The following MALRD1 variants were observed in gnomAD, a reference collection of about 807,000 sequenced individuals.
MALRD1 encodes MAM and LDL-receptor class A domain-containing protein 1.
A neutral mutation model predicts 242.1 loss-of-function variants in MALRD1; 247 were observed. That is an observed-to-expected ratio of 1.02 (90% CI 0.92 to 1.13). The LOEUF (loss-of-function observed/expected upper bound fraction) is 1.13. Among genes scored for constraint, MALRD1 ranks in the 50% most tolerant of loss-of-function variants. MALRD1 has a pLI of 0.00. For synonymous variants in MALRD1, 995 were observed against 866.6 expected, an observed-to-expected ratio of 1.15 and a Z score of -2.60; for missense variants, 2,989 against 2,533.1, an observed-to-expected ratio of 1.18 and a Z score of -3.86.
intron 33 of MALRD1, among the ~76,000 whole-genome samples, chr10:19,571,635 A>C (rs1056780117): frequency 8.5e-5 from 13 of 152,232 alleles, no homozygotes; most frequent in Non-Finnish European, 1.3e-4. Flanking sequence ...GAATTCTGAT[A>C]GTACAGGACC....
rs376583419 is a variant in MALRD1 at position 19,581,416 on chromosome 10, G to C, written c.5680+13713G>C. On this transcript the variant is annotated intron_variant, in intron 33 of 39. Coordinates refer to ENST00000454679, the MANE Select transcript of MALRD1 (RefSeq NM_001142308.3). The stretch of plus-strand genomic sequence containing the variant: ...CCCAGAGTGTGACGTTCCCCTTCCT[G>C]TGTCCATGTGTTCTCATTGTTCAAT... 4.9e-5 allele frequency among the ~76,000 whole-genome samples: 7 copies of C among 141,848 alleles called. No individual in the cohort carries two copies. The East Asian group carries it at 1.1e-3, about 21-fold the overall frequency. 93.1% of individuals were successfully genotyped at this position (141,848 alleles called of 152,430 possible).
chr10:19,658,826 C>T (rs545965124), intron 36 of MALRD1, among the ~76,000 whole-genome samples: 129 of 152,252 alleles, frequency 8.5e-4, no homozygotes, highest in African/African-American at 2.9e-3. Context: ...AAACCACGCT[C>T]GGTCTCTCTT....
chr10:19,712,620 A>C (rs1344212238), intron 38 of MALRD1, among the ~76,000 whole-genome samples: 1 of 152,242 alleles, frequency 6.6e-6, no homozygotes, highest in African/African-American at 2.4e-5. Context: ...TAACTTCAAC[A>C]TTGAATTAGT....
intron 26 of MALRD1, among the ~76,000 whole-genome samples, chr10:19,373,645 G>T (rs1845483226): frequency 6.6e-6 from 1 of 152,120 alleles, no homozygotes; most frequent in Non-Finnish European, 1.5e-5. Context: ...ACCTTCTAAG[G>T]ATGTGTCTTG....
At chr10:19,455,817 A>G (rs1298167983) in intron 29 of MALRD1, among the ~76,000 whole-genome samples, 1 of 152,180 alleles carries the variant, frequency 6.6e-6, no homozygotes, top group South Asian at 2.1e-4. Flanking sequence ...GCACACATCT[A>G]CGGAGAGCTG....
At chr10:19,688,218 G>T (rs189535433) in intron 36 of MALRD1, among the ~76,000 whole-genome samples, 5 of 152,078 alleles carry the variant, frequency 3.3e-5, no homozygotes, top group Admixed American at 2.0e-4. Context: ...CGATGTGCCC[G>T]CCTTGGCCTC....
chr10:19,566,614 G>A (rs1470864248), intron 32 of MALRD1, among the ~76,000 whole-genome samples: 1 of 150,752 alleles, frequency 6.6e-6, no homozygotes, highest in Non-Finnish European at 1.5e-5. Flanking sequence ...TGAAAAAAAG[G>A]GTTGTATAAC....
rs181728857 is a variant in MALRD1 at position 19,394,574 on chromosome 10, A to G, written c.4845+4965A>G. ...GAGCAATGAGCCTTGGTTGTAGACA[A>G]GGGTCAACTGAATTCATGGTAAGCT... On this transcript the variant is annotated intron_variant, in intron 28 of 39. Coordinates refer to ENST00000454679, the MANE Select transcript of MALRD1 (RefSeq NM_001142308.3). Among the ~76,000 whole-genome samples the G allele has an allele frequency of 1.1e-4, 16 of 152,272 alleles. No homozygotes were observed. In the East Asian group the frequency reaches 2.7e-3, roughly 26 times the overall value.
At chr10:19,490,510 G>A (rs755076221) in intron 29 of MALRD1, among the ~76,000 whole-genome samples, 1 of 67,264 alleles carries the variant, frequency 1.5e-5, no homozygotes, top group African/African-American at 4.4e-5. Flanking sequence ...GTGGGGCGGG[G>A]GGGGGGCAGG....
At chr10:19,516,516 C>T (rs527326844) in intron 31 of MALRD1, among the ~76,000 whole-genome samples, 3 of 152,086 alleles carry the variant, frequency 2.0e-5, no homozygotes, top group South Asian at 2.1e-4. Context: ...TTTTCTTGTC[C>T]GTGGAACAAG....
chr10:19,357,974 T>G (rs1844709068), intron 26 of MALRD1, among the ~76,000 whole-genome samples: 1 of 152,096 alleles, frequency 6.6e-6, no homozygotes, highest in East Asian at 1.9e-4. Flanking sequence ...AAATTATTAT[T>G]AAGTCCCTAG....
chr10:19,521,205 G>T (rs1833866168), intron 31 of MALRD1, among the ~76,000 whole-genome samples: 1 of 152,038 alleles, frequency 6.6e-6, no homozygotes, highest in South Asian at 2.1e-4. Flanking sequence ...TCTCTAAAAA[G>T]AATCTTCTAA....
At position 19,219,118 on chromosome 10, in the gene MALRD1, G is replaced by A. The variant is rs569695520; in HGVS notation, c.2991+9438G>A. On this transcript the variant is annotated intron_variant, in intron 18 of 39. Coordinates refer to ENST00000454679, the MANE Select transcript of MALRD1 (RefSeq NM_001142308.3). ...GAAACTGTATCTATTTTTTTCCCAC[G>A]TTTTCTAAATATATTTTAGAGGGCA... Among the ~76,000 whole-genome samples, 13 of 151,842 alleles carry A rather than the reference G, an allele frequency of 8.6e-5. No individual in the cohort carries two copies. The East Asian group carries it at 1.2e-3, about 14-fold the overall frequency.
At chr10:19,087,097 G>C (rs1432454049) in intron 2 of MALRD1, among the ~76,000 whole-genome samples, 1 of 152,034 alleles carries the variant, frequency 6.6e-6, no homozygotes, top group Non-Finnish European at 1.5e-5. Context: ...CTAGCTGCTT[G>C]TTGTTAGAAG....
At chr10:19,566,701 A>G (rs1836273208) in intron 32 of MALRD1, among the ~76,000 whole-genome samples, 1 of 151,206 alleles carries the variant, frequency 6.6e-6, no homozygotes, top group Non-Finnish European at 1.5e-5. Context: ...ATATATCTGT[A>G]TATGGTATGA....
intron 12 of MALRD1, among the ~76,000 whole-genome samples, chr10:19,158,124 T>C (rs1316454079): frequency 1.3e-5 from 2 of 152,244 alleles, no homozygotes; most frequent in Non-Finnish European, 2.9e-5. Flanking sequence ...ATGCTGTTAC[T>C]GTTTACAATT....
chr10:19,082,580 G>C (rs1345285711), intron 2 of MALRD1, among the ~76,000 whole-genome samples: 1 of 151,780 alleles, frequency 6.6e-6, no homozygotes, highest in Non-Finnish European at 1.5e-5. Context: ...CTTTCTCAGA[G>C]ACATTGTGTA....
intron 18 of MALRD1, among the ~76,000 whole-genome samples, chr10:19,239,799 A>C (rs182551555): frequency 2.0e-5 from 3 of 152,260 alleles, no homozygotes; most frequent in Admixed American, 2.0e-4. Context: ...TTTGAAAATC[A>C]ATTGACTTTA....
intron 36 of MALRD1, among the ~76,000 whole-genome samples, chr10:19,682,880 A>C (rs1842431275): frequency 6.6e-6 from 1 of 152,142 alleles, no homozygotes; most frequent in Non-Finnish European, 1.5e-5. Context: ...ATGGGATAGA[A>C]ACCTCATCTG....
Sources: allele counts gnomAD v4.1 joint callset (sites outside exome capture counted in the v4.1 genomes callset), GRCh38; gene constraint gnomAD v4.1.1; transcripts MANE v1.5; gene names NCBI Gene and HGNC (gene_info 2026-07-23, HGNC 2026-07-21).